CYFIP1: variants seen among roughly 807,000 people sequenced by gnomAD.
CYFIP1 encodes cytoplasmic FMR1 interacting protein 1.
In CYFIP1, 58 loss-of-function variants were observed where a neutral mutation model predicts 163.5. The observed-to-expected ratio is 0.35, with a 90% CI of 0.29 to 0.44. The LOEUF is 0.44. Ranked by LOEUF, CYFIP1 falls within the 20% of genes least tolerant of loss-of-function variation. CYFIP1 has a pLI of 1.00. For missense variants in CYFIP1, 1,338 were observed against 1,653.8 expected (o/e 0.81, Z 3.31); for synonymous variants, 663 against 660.7 (o/e 1.00, Z -0.05).
chr15:22,933,647 T>C (rs1376791346), intron 10 of CYFIP1, among the ~76,000 whole-genome samples, 155 bp downstream of exon 10: 1 of 152,158 alleles, frequency 6.6e-6, no homozygotes, highest in Non-Finnish European at 1.5e-5. Flanking sequence ...TAAATGTAAA[T>C]AGCCGCATGT....
chr15:22,878,109 G>C, intron 26 of CYFIP1, among the ~76,000 whole-genome samples: 1 of 152,294 alleles, frequency 6.6e-6, no homozygotes, highest in South Asian at 2.1e-4. Context: ...AAACAACATA[G>C]GAAAGGCCTC....
At chr15:22,919,933 G>T (rs748445516) in intron 13 of CYFIP1, among the ~76,000 whole-genome samples, 1 of 151,698 alleles carries the variant, frequency 6.6e-6, no homozygotes, top group East Asian at 1.9e-4. Flanking sequence ...AAGCCAGGAG[G>T]ATCACTTGAG....
intron 30 of CYFIP1, among the ~76,000 whole-genome samples, chr15:22,871,709 A>T (rs1168795843): frequency 2.0e-5 from 3 of 152,164 alleles, no homozygotes; most frequent in Non-Finnish European, 4.4e-5. Flanking sequence ...ATGGCAGAAG[A>T]CTAGAGGCTG....
At chr15:22,974,879 A>C (rs1275924011) in intron 1 of CYFIP1, among the ~76,000 whole-genome samples, 1 of 151,938 alleles carries the variant, frequency 6.6e-6, no homozygotes, top group Non-Finnish European at 1.5e-5. Context: ...TAAAAGTTAC[A>C]CGGTGTATGC....
intron 1 of CYFIP1, among the ~76,000 whole-genome samples, chr15:22,971,899 C>T (rs1184109385): frequency 6.6e-6 from 1 of 151,976 alleles, no homozygotes; most frequent in Non-Finnish European, 1.5e-5. Flanking sequence ...AGATAGTACC[C>T]AAAGCAATCT....
intron 1 of CYFIP1, among the ~76,000 whole-genome samples, chr15:22,954,306 A>G (rs532515462): frequency 9.8e-5 from 15 of 152,288 alleles, no homozygotes; most frequent in Admixed American, 9.8e-4. Context: ...TTCCTGCCTG[A>G]TCTGTGGTGT....
intron 1 of CYFIP1, among the ~76,000 whole-genome samples, chr15:22,963,516 T>TAACATAACATAACATAACATAACATAACA (rs2062769607): frequency 6.3e-5 from 9 of 143,970 alleles, no homozygotes; most frequent in African/African-American, 2.3e-4. Flanking sequence ...TAACATAACA[T>TAACATAACATAACATAACATAACATAACA]AACATAACAT....
chr15:22,974,066 A>G (rs1428158961), intron 1 of CYFIP1, among the ~76,000 whole-genome samples: 1 of 152,178 alleles, frequency 6.6e-6, no homozygotes, highest in Non-Finnish European at 1.5e-5. Context: ...ACCCTTGTAC[A>G]CTGTTGGTGG....
chr15:22,980,739 CA>C (rs2063459164), upstream of CYFIP1, among the ~76,000 whole-genome samples: 2 of 152,106 alleles, frequency 1.3e-5, no homozygotes, highest in African/African-American at 4.8e-5. Flanking sequence ...GGAAGGAGCT[CA>C]GGGGGACACC....
At chr15:22,963,996 A>G (rs117128206) in intron 1 of CYFIP1, among the ~76,000 whole-genome samples, 30 of 152,258 alleles carry the variant, frequency 2.0e-4, no homozygotes, top group East Asian at 1.9e-4. Context: ...CTAATTTATT[A>G]TGAGACAGAA....
At chr15:22,939,154 C>T in intron 8 of CYFIP1, 38 bp downstream of exon 8, 2 of 1,613,288 alleles carry the variant, frequency 1.2e-6, no homozygotes, top group Non-Finnish European at 1.7e-6. Flanking sequence ...AAGGCTGTCC[C>T]TCGGCAGTGC....
At chr15:22,911,672 C>T (rs1016444815) in intron 18 of CYFIP1, among the ~76,000 whole-genome samples, 1 of 152,196 alleles carries the variant, frequency 6.6e-6, no homozygotes, top group African/African-American at 2.4e-5. Context: ...CCTGCAGGGC[C>T]GGGGACCTGT....
At chr15:22,910,275 C>T (rs1309686137) in intron 20 of CYFIP1, among the ~76,000 whole-genome samples, 1 of 152,132 alleles carries the variant, frequency 6.6e-6, no homozygotes, top group Non-Finnish European at 1.5e-5. Flanking sequence ...ATTCTCTTGC[C>T]TCAGCATCCC....
intron 11 of CYFIP1, 148 bp from the exon 12 acceptor site, chr15:22,928,176 G>A: frequency 4.0e-6 from 4 of 1,005,000 alleles, no homozygotes; most frequent in Non-Finnish European, 5.5e-6. Flanking sequence ...ACAAGGTCGG[G>A]AGATCCAGAC....
chr15:22,919,097 C>T (rs567434191), intron 13 of CYFIP1, among the ~76,000 whole-genome samples: 6 of 152,230 alleles, frequency 3.9e-5, no homozygotes, highest in African/African-American at 9.6e-5. Context: ...GCATCTGACT[C>T]GAAACACACA....
chr15:22,873,018 A>G, intron 29 of CYFIP1, 46 bp from the exon 30 acceptor site: 1 of 1,602,546 alleles, frequency 6.2e-7, no homozygotes, highest in Non-Finnish European at 8.5e-7. Context: ...GTGATACGTT[A>G]TGAAGTCTTT....
intron 22 of CYFIP1, among the ~76,000 whole-genome samples, chr15:22,896,904 T>C (rs1048247091): frequency 2.0e-5 from 3 of 152,060 alleles, no homozygotes; most frequent in African/African-American, 4.8e-5. Context: ...TTGACTTTGT[T>C]ACTGTCTTTT....
At position 22,928,042 on chromosome 15, in the gene CYFIP1, G is replaced by A. The variant is rs759770582; in HGVS notation, c.1111-14C>T. On this transcript the variant is annotated splice_polypyrimidine_tract_variant and intron_variant, in intron 11 of 30. Transcript: ENST00000617928. The stretch of plus-strand genomic sequence containing the variant: ...GCCCGTGACCACCTGCACAAGGCGG[G>A]CACGGCCCCGTGAGAAACCAGCGCC... The A allele has an allele frequency of 2.4e-4, 358 of 1,504,522 alleles. 7 individuals carry two copies. In the South Asian group the frequency reaches 4.0e-3, roughly 17 times the overall value. 93.2% of individuals were successfully genotyped at this position (1,504,522 alleles called of 1,614,324 possible).
intron 1 of CYFIP1, among the ~76,000 whole-genome samples, chr15:22,948,955 A>G (rs935779359): frequency 6.6e-6 from 1 of 152,100 alleles, no homozygotes; most frequent in African/African-American, 2.4e-5. Flanking sequence ...CATCTGTGCC[A>G]TGAGAGTGCA....
Sources: gnomAD v4.1 joint callset for allele counts (sites outside exome capture counted in the v4.1 genomes callset) on GRCh38, gnomAD v4.1.1 for gene constraint, MANE v1.5 for transcripts, NCBI Gene and HGNC (gene_info 2026-07-23, HGNC 2026-07-21) for gene names.